AQR: variants seen among roughly 807,000 people sequenced by gnomAD.
The protein encoded by AQR is aquarius intron-binding spliceosomal factor.
In AQR, 61 loss-of-function variants were observed where a neutral mutation model predicts 180.5. That is an observed-to-expected ratio of 0.34 (90% confidence interval 0.28 to 0.42). AQR has a LOEUF of 0.42. Among genes scored for constraint, AQR ranks in the 10% least tolerant of loss-of-function variants. AQR has a pLI of 1.00. For missense variants in AQR, 1,281 were observed against 1,798.3 expected (o/e 0.71, Z 5.20); for synonymous variants, 551 against 588.8 (o/e 0.94, Z 0.93).
chr15:34,938,982 T>C (rs1893984016), intron 8 of AQR, among the ~76,000 whole-genome samples, 169 bp from the exon 9 acceptor site: 1 of 152,214 alleles, frequency 6.6e-6, no homozygotes, highest in Admixed American at 6.5e-5. Flanking sequence ...AATACAGTGC[T>C]ATATGAAGAA....
At chr15:34,925,663 C>T (rs1251802666) in intron 13 of AQR, among the ~76,000 whole-genome samples, 2 of 151,932 alleles carry the variant, frequency 1.3e-5, no homozygotes, top group Non-Finnish European at 2.9e-5. Flanking sequence ...CATGGTGAAA[C>T]CCCATCTTTG....
chr15:34,969,637 A>G lies in AQR; in HGVS notation c.-24T>C. ...ATGGCAGCACTCTTCCCTCCACTCC[A>G]GTGGAAACTAAAGGACCGCTCTGGG... On this transcript the variant is annotated 5_prime_UTR_variant, in exon 1 of 35. Transcript: ENST00000156471. The G allele has an allele frequency of 6.2e-7, 1 of 1,610,808 alleles. No individual in the cohort carries two copies. Among genetic ancestry groups the G allele is most frequent in the Non-Finnish European group, 8.5e-7 (1 of 1,179,518 alleles).
chr15:34,875,342 T>C (rs1483239865), intron 28 of AQR, among the ~76,000 whole-genome samples: 1 of 152,208 alleles, frequency 6.6e-6, no homozygotes, highest in Non-Finnish European at 1.5e-5. Flanking sequence ...TGTCTCCTAG[T>C]TCCTTGAAAC....
chr15:34,933,876 C>G (rs1225711122), intron 10 of AQR, among the ~76,000 whole-genome samples: 1 of 152,180 alleles, frequency 6.6e-6, no homozygotes, highest in Non-Finnish European at 1.5e-5. Flanking sequence ...AATCCTCCTA[C>G]TTGGGAGGCC....
At chr15:34,914,289 C>T (rs1363347273) in intron 16 of AQR, among the ~76,000 whole-genome samples, 1 of 152,180 alleles carries the variant, frequency 6.6e-6, no homozygotes, top group Non-Finnish European at 1.5e-5. Context: ...TGCCTCAAGT[C>T]AGCCATATCT....
Position 34,860,134 on chromosome 15 carries a change from C to A in AQR, c.4051G>T (p.Glu1351Ter). The change falls in exon 34 of 35, where the codon GAA becomes TAA. Residue 1351 changes from glutamate to a stop codon, truncating the protein, a stop_gained. Coordinates refer to ENST00000156471, the MANE Select transcript of AQR (RefSeq NM_014691.3). LOFTEE classifies it high-confidence loss of function. ...GGCATATTTTTTATTATTTGTACTT[C>A]ATGAGATGGTCTCTCTCCATTCTAG... ...TRKNGERPSH[E>*]VQIIKNMPQM... The A allele has an allele frequency of 6.6e-7, 1 of 1,516,248 alleles. No homozygotes were observed. Among genetic ancestry groups the A allele is most frequent in the Admixed American group, 1.8e-5 (1 of 54,444 alleles). 93.9% of individuals were successfully genotyped at this position (1,516,248 alleles called of 1,614,324 possible).
At chr15:34,891,484 T>C (rs1315627690) in intron 23 of AQR, among the ~76,000 whole-genome samples, 1 of 152,194 alleles carries the variant, frequency 6.6e-6, no homozygotes, top group Non-Finnish European at 1.5e-5. Context: ...ATCAATTCGA[T>C]GGGCATCAAG....
At chr15:34,969,202 G>C (rs1402655859) in intron 1 of AQR, among the ~76,000 whole-genome samples, 2 of 152,156 alleles carry the variant, frequency 1.3e-5, no homozygotes, top group Non-Finnish European at 2.9e-5. Context: ...CTACTTGCCA[G>C]TCTCAGATAG....
Position 34,880,057 on chromosome 15 carries a change from C to G in AQR, c.3165+2445G>C, listed in dbSNP as rs1483576125. Among the ~76,000 whole-genome samples the G allele has an allele frequency of 2.6e-5, 4 of 152,048 alleles. No homozygotes were observed. The East Asian group carries it at 7.7e-4, about 29-fold the overall frequency. On this transcript the variant is annotated intron_variant, in intron 27 of 34. Transcript: ENST00000156471. ...AAGATTATAGGGCTTCCTGACAGAA[C>G]AAAAATGTAAAACAAAATACATTTA...
At chr15:34,896,472 C>A (rs1893246039) in intron 22 of AQR, among the ~76,000 whole-genome samples, 1 of 151,422 alleles carries the variant, frequency 6.6e-6, no homozygotes, top group African/African-American at 2.4e-5. Flanking sequence ...CGCTTAAATT[C>A]AGCGGGGTTG....
intron 2 of AQR, among the ~76,000 whole-genome samples, chr15:34,962,491 G>A (rs879592680): frequency 5.3e-5 from 8 of 152,082 alleles, no homozygotes; most frequent in Non-Finnish European, 7.4e-5. Flanking sequence ...CTGGTTGGCC[G>A]GGTGTGGTGG....
rs1341973936 is a variant in AQR at position 34,927,062 on chromosome 15, G to T, written c.1091C>A (p.Ser364Tyr). The change falls in exon 13 of 35, where the codon TCC becomes TAC. Residue 364 changes from serine (S) to tyrosine (Y), a missense_variant. Ser to Tyr is a moderately radical substitution (Grantham distance 144). Around this residue, in one of 9 missense-constraint regions of AQR, gnomAD observed 404 missense variants for 490.9 expected, o/e 0.82. Transcript: ENST00000156471. ...AAGAGGTCCAAAAAACTTGACCAAG[G>T]ACTCCCGAGTATCTACTTCTGCCAC... ...SNVAEVDTRE[S>Y]LVKFFGPLSS... 2.5e-6 allele frequency: 4 copies of T among 1,592,486 alleles called. No homozygotes were observed. Among genetic ancestry groups the T allele is most frequent in the Admixed American group, 1.7e-5 (1 of 57,888 alleles).
At position 34,862,846 on chromosome 15, in the gene AQR, AAATG is replaced by A. The variant is rs778988389; in HGVS notation, c.4029+17_4029+20del. On this transcript the variant is annotated intron_variant, in intron 33 of 34. Transcript: ENST00000156471. The stretch of plus-strand genomic sequence containing the variant: ...CCACTCTGAGGAATGCTGTTTTATA[AAATG>A]AAGAAAGAAGTCCTACCTTTCTAGT... The A allele has an allele frequency of 6.2e-7, 1 of 1,611,372 alleles. No homozygotes were observed. Among genetic ancestry groups the A allele is most frequent in the Non-Finnish European group, 8.5e-7 (1 of 1,178,232 alleles).
At chr15:34,962,029 T>C in intron 2 of AQR, among the ~76,000 whole-genome samples, 1 of 151,208 alleles carries the variant, frequency 6.6e-6, no homozygotes, top group South Asian at 2.1e-4. Flanking sequence ...AATGTCTTTT[T>C]TTTTTTTTTT....
Position 34,952,940 on chromosome 15 carries a change from T to C in AQR, c.174-20A>G, listed in dbSNP as rs187322904. Reference sequence around the variant, plus strand: ...GCAAACCTGAAAACATAAAAATAAATAAAATGTTTAAAATAGAGAATACAA... The same window carrying C: ...GCAAACCTGAAAACATAAAAATAAACAAAATGTTTAAAATAGAGAATACAA... On this transcript the variant is annotated intron_variant, in intron 3 of 34. Coordinates refer to ENST00000156471, the MANE Select transcript of AQR (RefSeq NM_014691.3). 28 of 1,299,958 alleles carry C rather than the reference T, an allele frequency of 2.2e-5. No homozygotes were observed. In the African/African-American group the frequency reaches 3.9e-4, roughly 18 times the overall value. 80.5% of individuals were successfully genotyped at this position (1,299,958 alleles called of 1,614,324 possible). A position where few individuals can be genotyped will look rare whatever the true frequency, so the allele number is the denominator to read the frequency against.
At chr15:34,900,536 A>T in intron 20 of AQR, 86 bp downstream of exon 20, 1 of 1,507,132 alleles carries the variant, frequency 6.6e-7, no homozygotes, top group South Asian at 1.3e-5. Flanking sequence ...ATAGTACTCA[A>T]AACTCACTTT....
intron 3 of AQR, among the ~76,000 whole-genome samples, chr15:34,955,987 A>G (rs1373707417): frequency 6.6e-6 from 1 of 152,116 alleles, no homozygotes; most frequent in Non-Finnish European, 1.5e-5. Flanking sequence ...AAGTTGAAAA[A>G]GAACCAAAAT....
chr15:34,869,605 T>C (rs1892786029), intron 31 of AQR: 1 of 152,202 alleles, frequency 6.6e-6, no homozygotes, highest in Admixed American at 6.5e-5. Flanking sequence ...TAAGATTTTC[T>C]GTAAAAGGAC....
At chr15:34,954,478 T>C (rs919835641) in intron 3 of AQR, among the ~76,000 whole-genome samples, 6 of 151,976 alleles carry the variant, frequency 3.9e-5, no homozygotes, top group Admixed American at 2.0e-4. Flanking sequence ...GCTAATTTTT[T>C]TGATTTTTAG....
Sources: gnomAD v4.1 joint callset for allele counts (sites outside exome capture counted in the v4.1 genomes callset) on GRCh38, gnomAD v4.1.1 for gene constraint, gnomAD v4.1.1 regional missense constraint, MANE v1.5 for transcripts, NCBI Gene and HGNC (gene_info 2026-07-23, HGNC 2026-07-21) for gene names.